The following CPPED1 variants were observed in gnomAD, a reference collection of about 807,000 sequenced individuals.
CPPED1 encodes the protein serine/threonine-protein phosphatase CPPED1.
A neutral mutation model predicts 28.0 loss-of-function variants in CPPED1; 28 were observed. That is an observed-to-expected ratio of 1.00 (90% CI 0.74 to 1.37). The LOEUF is 1.37. Ranked by LOEUF, CPPED1 falls within the 40% of genes most tolerant of loss-of-function variation. The probability of loss-of-function intolerance (pLI) is 0.00; values close to 1 mark genes in which losing one functional copy is unlikely to be tolerated. For synonymous variants in CPPED1, 198 were observed against 180.2 expected (o/e 1.10, Z -0.79); for missense variants, 504 against 416.5 (o/e 1.21, Z -1.83).
intron 3 of CPPED1, among the ~76,000 whole-genome samples, chr16:12,672,577 G>A (rs988926128): frequency 6.6e-6 from 1 of 152,156 alleles, no homozygotes; most frequent in Non-Finnish European, 1.5e-5. Flanking sequence ...ATACAGGCTC[G>A]TGTGCCTATT....
At chr16:12,691,832 AGG>A (rs1567277174) in intron 3 of CPPED1, among the ~76,000 whole-genome samples, 34 of 39,344 alleles carry the variant, frequency 8.6e-4, no homozygotes, top group African/African-American at 7.9e-3. Context: ...GGAGGGGGGG[AGG>A]GATAGCATTA....
At chr16:12,707,357 G>A (rs948092064) in intron 2 of CPPED1, among the ~76,000 whole-genome samples, 2 of 152,166 alleles carry the variant, frequency 1.3e-5, no homozygotes, top group Non-Finnish European at 2.9e-5. Flanking sequence ...AGCTGTGTGT[G>A]CACCGACTTG....
At chr16:12,778,064 C>T (rs1311773956) in intron 2 of CPPED1, among the ~76,000 whole-genome samples, 2 of 151,776 alleles carry the variant, frequency 1.3e-5, no homozygotes, top group Non-Finnish European at 2.9e-5. Flanking sequence ...CCCACGCCAC[C>T]ATGCTGAGCT....
intron 2 of CPPED1, among the ~76,000 whole-genome samples, chr16:12,744,910 C>G (rs2080277526): frequency 1.3e-5 from 2 of 152,118 alleles, no homozygotes; most frequent in African/African-American, 4.8e-5. Context: ...TGACTTGAGC[C>G]CAGGAGGTTG....
intron 2 of CPPED1, among the ~76,000 whole-genome samples, chr16:12,744,754 G>T (rs776629906): frequency 1.3e-5 from 2 of 152,198 alleles, no homozygotes; most frequent in Admixed American, 6.5e-5. Flanking sequence ...GCCGAGGCAG[G>T]CAGACTGCTT....
intron 3 of CPPED1, among the ~76,000 whole-genome samples, chr16:12,685,767 TCTC>T (rs1280529996): frequency 1.3e-5 from 2 of 152,120 alleles, no homozygotes; most frequent in Non-Finnish European, 2.9e-5. Context: ...CTGTGACAAT[TCTC>T]CTACCACGGC....
rs921500757 is a variant in CPPED1 at position 12,766,103 on chromosome 16, T to C, written c.289+15082A>G. 3.3e-5 allele frequency among the ~76,000 whole-genome samples: 5 copies of C among 152,044 alleles called. No homozygotes were observed. In the East Asian group the frequency reaches 9.7e-4, roughly 29 times the overall value. On this transcript the variant is annotated intron_variant, in intron 2 of 3. Transcript: ENST00000381774. The stretch of plus-strand genomic sequence containing the variant: ...ATGGCATGTTGATTTGCCAGGGGAT[T>C]GTGCAAACTTCTGCAGAAGGCGTTC...
At chr16:12,703,260 T>C (rs1315243077) in intron 3 of CPPED1, among the ~76,000 whole-genome samples, 1 of 152,128 alleles carries the variant, frequency 6.6e-6, no homozygotes, top group Non-Finnish European at 1.5e-5. Flanking sequence ...ACATCTCCAA[T>C]TATGTGAGCT....
chr16:12,679,103 T>C (rs2079892379), intron 3 of CPPED1, among the ~76,000 whole-genome samples: 1 of 152,200 alleles, frequency 6.6e-6, no homozygotes, highest in South Asian at 2.1e-4. Context: ...CACAAAAGCC[T>C]TGCAAAGATT....
intron 3 of CPPED1, among the ~76,000 whole-genome samples, chr16:12,698,761 G>C (rs1240832698): frequency 1.3e-5 from 2 of 152,074 alleles, no homozygotes; most frequent in African/African-American, 4.8e-5. Context: ...TATAACCATG[G>C]ACTAAGATTT....
chr16:12,736,299 G>A (rs1299273958), intron 2 of CPPED1, among the ~76,000 whole-genome samples: 2 of 150,668 alleles, frequency 1.3e-5, no homozygotes, highest in Non-Finnish European at 2.9e-5. Context: ...AGGCTGGAGT[G>A]CAATGGCATG....
intron 1 of CPPED1, among the ~76,000 whole-genome samples, chr16:12,785,647 C>T (rs753856836): frequency 1.3e-5 from 2 of 152,062 alleles, no homozygotes; most frequent in Non-Finnish European, 2.9e-5. Context: ...AGGCTGGTCT[C>T]AAGCTCCTGG....
chr16:12,716,495 C>G (rs182838156), intron 2 of CPPED1, among the ~76,000 whole-genome samples: 39 of 152,348 alleles, frequency 2.6e-4, no homozygotes, highest in South Asian at 1.2e-3. Flanking sequence ...GATCCACGAA[C>G]AAGTCTTATT....
At chr16:12,744,407 C>T (rs1429992011) in intron 2 of CPPED1, among the ~76,000 whole-genome samples, 1 of 152,112 alleles carries the variant, frequency 6.6e-6, no homozygotes, top group Non-Finnish European at 1.5e-5. Context: ...ATTTCTTCTT[C>T]TAGCCAAGGA....
At chr16:12,705,988 C>T (rs1716454704) in intron 2 of CPPED1, among the ~76,000 whole-genome samples, 1 of 152,114 alleles carries the variant, frequency 6.6e-6, no homozygotes, top group South Asian at 2.1e-4. Context: ...CTGTCTCTTT[C>T]TGTAATTCTG....
At chr16:12,730,729 C>G (rs773861606) in intron 2 of CPPED1, among the ~76,000 whole-genome samples, 1 of 152,156 alleles carries the variant, frequency 6.6e-6, no homozygotes, top group South Asian at 2.1e-4. Flanking sequence ...TTATGAAGCT[C>G]AAGAACAAGC....
intron 2 of CPPED1, among the ~76,000 whole-genome samples, chr16:12,763,267 T>C (rs2080420576): frequency 6.6e-6 from 1 of 151,186 alleles, no homozygotes; most frequent in Admixed American, 6.6e-5. Context: ...TCTCACTATG[T>C]TGCCCAGGCT....
chr16:12,782,566 A>G (rs1024879795), intron 1 of CPPED1, among the ~76,000 whole-genome samples: 1 of 140,982 alleles, frequency 7.1e-6, no homozygotes. Flanking sequence ...TTTTTTTCAT[A>G]ATTTAATGTA....
Position 12,670,434 on chromosome 16 carries a change from T to C in CPPED1, c.716-5319A>G, listed in dbSNP as rs59937544. ...AGACACCCCACCCTCTAGGAAGTAG[T>C]GCATCTTTCTTCATCCCTTAGGTGT... On this transcript the variant is annotated intron_variant, in intron 3 of 3. Transcript: ENST00000381774. This position sits in a 1 kb window ranked among gnomAD's most constrained non-coding sequence, Gnocchi z 4.2. Among the ~76,000 whole-genome samples, 1 of 152,060 alleles carries C rather than the reference T, an allele frequency of 6.6e-6. No individual in the cohort carries two copies.
Sources: gnomAD v4.1 joint callset for allele counts (sites outside exome capture counted in the v4.1 genomes callset) on GRCh38, gnomAD v4.1.1 for gene constraint, Gnocchi (gnomAD v3.1) non-coding constraint, MANE v1.5 for transcripts, NCBI Gene and HGNC (gene_info 2026-07-23, HGNC 2026-07-21) for gene names.